The following SHC3 variants were observed in gnomAD, a reference collection of about 807,000 sequenced individuals.
SHC3 encodes SHC-transforming protein 3.
SHC3 carries 15 observed loss-of-function variants against 60.4 expected under a neutral mutation model. The ratio of observed to expected loss-of-function variants is 0.25; its 90% CI spans 0.17 to 0.38. The LOEUF (loss-of-function observed/expected upper bound fraction) is 0.38. SHC3 is among the 10% of genes least tolerant of loss of function. SHC3 has a pLI of 1.00. For synonymous variants in SHC3, 294 were observed against 325.9 expected (o/e 0.90, Z 1.05); for missense variants, 677 against 786.1 (o/e 0.86, Z 1.66).
At chr9:89,142,611 G>T (rs1826409685) in intron 1 of SHC3, among the ~76,000 whole-genome samples, 1 of 151,226 alleles carries the variant, frequency 6.6e-6, no homozygotes, top group African/African-American at 2.4e-5. Context: ...AACCCAGGAG[G>T]AGGAGGTTGC....
chr9:89,112,625 T>C lies in SHC3; in HGVS notation c.476A>G (p.Tyr159Cys), dbSNP rs1825966483. ...GCGCAGAACTTCAATGCACCCCAAG[T>C]ACTGCAAGGGGAAAAAATGTAAATC... is the stretch of plus-strand genomic sequence containing the variant. Reference protein sequence around the residue: ...LGPGVTYVVKYLGCIEVLRSM... With the variant: ...LGPGVTYVVKCLGCIEVLRSM... The change falls in exon 2 of 12, where the codon TAC (tyrosine) becomes TGC (cysteine). Residue 159 changes from tyrosine (Y) to cysteine (C), a missense_variant and splice_region_variant. Coordinates refer to ENST00000375835, the MANE Select transcript of SHC3 (RefSeq NM_016848.6). 6.3e-7 allele frequency: 1 copy of C among 1,587,794 alleles called. No individual in the cohort carries two copies. The highest frequency in any genetic ancestry group is 8.6e-7 in the Non-Finnish European group (1 of 1,169,512).
chr9:89,068,462 T>C (rs1311671415), intron 5 of SHC3, among the ~76,000 whole-genome samples: 1 of 152,246 alleles, frequency 6.6e-6, no homozygotes, highest in African/African-American at 2.4e-5. Flanking sequence ...TGTCTACCAA[T>C]TATAATGTGC....
intron 1 of SHC3, among the ~76,000 whole-genome samples, chr9:89,156,114 C>T (rs896989498): frequency 5.9e-5 from 9 of 152,270 alleles, no homozygotes; most frequent in African/African-American, 2.2e-4. Context: ...GTGTGCTTCC[C>T]AAGGCTAGGT....
At chr9:89,158,737 G>A (rs1012493361) in intron 1 of SHC3, among the ~76,000 whole-genome samples, 9 of 152,170 alleles carry the variant, frequency 5.9e-5, no homozygotes, top group African/African-American at 2.2e-4. Flanking sequence ...GTTTCACCAC[G>A]CTGTTTTCAC....
intron 11 of SHC3, among the ~76,000 whole-genome samples, chr9:89,026,606 G>A (rs569490083): frequency 6.6e-6 from 1 of 152,284 alleles, no homozygotes; most frequent in African/African-American, 2.4e-5. Flanking sequence ...GGATCTCCTG[G>A]GGCTGTGTCA....
intron 1 of SHC3, among the ~76,000 whole-genome samples, chr9:89,172,402 ATGTTT>A (rs781694051): frequency 5.9e-5 from 9 of 152,158 alleles, no homozygotes; most frequent in Non-Finnish European, 1.0e-4. Context: ...TGGGGTCAAA[ATGTTT>A]TGTTTTGTTT....
At position 89,178,217 on chromosome 9, in the gene SHC3, G is replaced by A; in HGVS notation, c.244C>T (p.Arg82Cys). The change falls in exon 1 of 12, where the codon CGC becomes TGC. Residue 82 changes from arginine (R) to cysteine (C), a missense_variant. Coordinates refer to ENST00000375835, the MANE Select transcript of SHC3 (RefSeq NM_016848.6). The surrounding 1 kb of genome is among the most constrained non-coding windows in gnomAD (Gnocchi z 6.9). ...SHLKLSSSGL[R>C]GLSSAARERA... is the part of the protein sequence containing the mutation. ...TCCCGGGCGGCCGACGACAGGCCGC[G>A]GAGGCCCGAGCTGGAGAGTTTCAGG... 1.4e-6 allele frequency: 2 copies of A among 1,445,454 alleles called. No individual in the cohort carries two copies. The highest frequency in any genetic ancestry group is 1.8e-6 in the Non-Finnish European group (2 of 1,097,452). The allele number at this position is 1,445,454 out of a possible 1,614,324, so 89.5% of individuals were successfully genotyped here.
At position 89,172,661 on chromosome 9, in the gene SHC3, C is replaced by T. The variant is rs757519664; in HGVS notation, c.474+5326G>A. Among the ~76,000 whole-genome samples the T allele has an allele frequency of 6.7e-4, 102 of 152,176 alleles. 1 individual carries two copies. The highest frequency in any genetic ancestry group is 8.2e-4 in the Non-Finnish European group (56 of 67,994). ...TGTTCCTATGCTCACTGCCTCCCAC[C>T]TTAAAGATATTATTTTTCCACCACA... On this transcript the variant is annotated intron_variant, in intron 1 of 11. Coordinates refer to ENST00000375835, the MANE Select transcript of SHC3 (RefSeq NM_016848.6).
intron 6 of SHC3, among the ~76,000 whole-genome samples, chr9:89,059,742 C>CG (rs1825043679): frequency 2.9e-5 from 1 of 34,994 alleles, no homozygotes; most frequent in Non-Finnish European, 5.3e-5. Context: ...TGGTGGAGGA[C>CG]GTGGTGGAGG....
chr9:89,046,730 A>T, intron 8 of SHC3, 114 bp downstream of exon 8: 1 of 1,214,264 alleles, frequency 8.2e-7, no homozygotes, highest in Non-Finnish European at 1.1e-6. Flanking sequence ...CTCATGATTT[A>T]CTGTGTCAAA....
chr9:89,032,607 C>G (rs1824508989), intron 11 of SHC3, among the ~76,000 whole-genome samples: 1 of 152,180 alleles, frequency 6.6e-6, no homozygotes, highest in Admixed American at 6.5e-5. Flanking sequence ...GCTACTGGCA[C>G]TTTCCAGATA....
intron 11 of SHC3, among the ~76,000 whole-genome samples, chr9:89,029,831 T>C (rs769847217): frequency 6.6e-6 from 1 of 152,190 alleles, no homozygotes; most frequent in African/African-American, 2.4e-5. Flanking sequence ...AAAAAGTACA[T>C]ATGTAATGCA....
At chr9:89,052,705 C>G (rs190836135) in intron 6 of SHC3, among the ~76,000 whole-genome samples, 1 of 152,136 alleles carries the variant, frequency 6.6e-6, no homozygotes, top group Non-Finnish European at 1.5e-5. Flanking sequence ...AATAAGGAAA[C>G]CTTTGAAGAT....
intron 1 of SHC3, among the ~76,000 whole-genome samples, chr9:89,131,578 T>C (rs568295657): frequency 1.2e-4 from 19 of 152,290 alleles, no homozygotes; most frequent in South Asian, 6.2e-4. Context: ...GTTGGCTTCA[T>C]CCCCAGGACG....
At chr9:89,101,135 G>A (rs1441576473) in intron 2 of SHC3, among the ~76,000 whole-genome samples, 2 of 151,974 alleles carry the variant, frequency 1.3e-5, no homozygotes, top group Non-Finnish European at 2.9e-5. Flanking sequence ...CACATATTTT[G>A]TTAAATGTAA....
At chr9:89,044,859 T>C (rs1443644114) in intron 9 of SHC3, among the ~76,000 whole-genome samples, 2 of 152,230 alleles carry the variant, frequency 1.3e-5, no homozygotes, top group Admixed American at 1.3e-4. Flanking sequence ...GTGCATATTA[T>C]GATTGTAAGA....
intron 1 of SHC3, among the ~76,000 whole-genome samples, chr9:89,136,443 C>T (rs79367639): frequency 0.013 from 2,028 of 152,230 alleles, 20 homozygotes; most frequent in South Asian, 0.034. Context: ...ACAGAGATGG[C>T]GATGAGAGTG....
intron 1 of SHC3, among the ~76,000 whole-genome samples, chr9:89,132,524 A>G (rs1826262322): frequency 6.6e-6 from 1 of 152,250 alleles, no homozygotes; most frequent in South Asian, 2.1e-4. Flanking sequence ...ACAAGGCTAC[A>G]GTAACCAAAA....
At chr9:89,174,500 G>A (rs1311566794) in intron 1 of SHC3, among the ~76,000 whole-genome samples, 2 of 152,206 alleles carry the variant, frequency 1.3e-5, no homozygotes, top group African/African-American at 2.4e-5. Context: ...TATGAATGGC[G>A]TAATCTGCTG....
Sources: gnomAD v4.1 joint callset for allele counts (sites outside exome capture counted in the v4.1 genomes callset) on GRCh38, gnomAD v4.1.1 for gene constraint, Gnocchi (gnomAD v3.1) non-coding constraint, MANE v1.5 for transcripts, NCBI Gene and HGNC (gene_info 2026-07-23, HGNC 2026-07-21) for gene names.